Variants in CHCHD6 observed in about 807,000 individuals in gnomAD.
CHCHD6 encodes the protein coiled-coil-helix-coiled-coil-helix domain containing 6.
Under a neutral mutation model 32.3 loss-of-function variants are expected in CHCHD6, and 28 were observed. The observed-to-expected ratio is 0.87, with a 90% confidence interval of 0.64 to 1.19. The LOEUF (loss-of-function observed/expected upper bound fraction) is 1.19, where lower values mean the gene tolerates loss of function less well. Ranked by LOEUF, CHCHD6 falls within the 50% of genes most tolerant of loss-of-function variation. The probability of loss-of-function intolerance (pLI) is 0.00; values close to 1 mark genes in which losing one functional copy is unlikely to be tolerated. For missense variants in CHCHD6, 333 were observed against 307.0 expected (o/e 1.08, Z -0.63); for synonymous variants, 122 against 117.5 (o/e 1.04, Z -0.25).
At chr3:126,810,950 C>T (rs767696479) in intron 4 of CHCHD6, among the ~76,000 whole-genome samples, 5 of 151,962 alleles carry the variant, frequency 3.3e-5, no homozygotes, top group African/African-American at 4.8e-5. Context: ...GTCCTGTAGG[C>T]GGGACCACCA....
chr3:126,780,275 C>A, intron 4 of CHCHD6: 1 of 401,818 alleles, frequency 2.5e-6, no homozygotes, highest in Non-Finnish European at 4.9e-6. Context: ...GGGAGGGTTT[C>A]TCCCACCTTT....
intron 4 of CHCHD6, among the ~76,000 whole-genome samples, chr3:126,773,873 T>C (rs1195184634): frequency 6.6e-6 from 1 of 152,150 alleles, no homozygotes; most frequent in East Asian, 1.9e-4. Flanking sequence ...CCCAAAGTGC[T>C]GGGATTATAG....
At chr3:126,743,939 T>C (rs992257161) in intron 4 of CHCHD6, among the ~76,000 whole-genome samples, 1 of 152,054 alleles carries the variant, frequency 6.6e-6, no homozygotes, top group Admixed American at 6.6e-5. Context: ...CATCAGATGG[T>C]ATGCGCTGGC....
chr3:126,873,140 T>C (rs573292918), intron 5 of CHCHD6, among the ~76,000 whole-genome samples: 1 of 152,270 alleles, frequency 6.6e-6, no homozygotes, highest in African/African-American at 2.4e-5. Flanking sequence ...GTTTGCAAAG[T>C]GTTTTCAGAT....
intron 6 of CHCHD6, among the ~76,000 whole-genome samples, chr3:126,931,142 A>G (rs1191199622): frequency 2.0e-5 from 3 of 152,070 alleles, no homozygotes. Flanking sequence ...TTTGCTTCCC[A>G]CCGTCACTGC....
intron 3 of CHCHD6, among the ~76,000 whole-genome samples, chr3:126,731,098 TAAAAAAAAAA>T (rs34596059): frequency 3.2e-4 from 24 of 73,980 alleles, no homozygotes; most frequent in African/African-American, 1.0e-3. Context: ...ACCCTGTCTC[TAAAAAAAAAA>T]AAAAAAAAAA....
At chr3:126,901,496 G>A (rs1243434517) in intron 5 of CHCHD6, among the ~76,000 whole-genome samples, 2 of 152,194 alleles carry the variant, frequency 1.3e-5, no homozygotes, top group Non-Finnish European at 2.9e-5. Context: ...GATTCCCCAC[G>A]GGAAGTGGGA....
rs117921290 is a variant in CHCHD6, at chr3:126,930,966, G to C, written c.566+16216G>C. Among the ~76,000 whole-genome samples the C allele has an allele frequency of 3.9e-5, 6 of 152,170 alleles. No individual in the cohort carries two copies. The East Asian group carries it at 5.8e-4, about 15-fold the overall frequency. ...GCCCATCTCTTCCTATCTGCCAAAG[G>C]CCCCCAGCCTGGAGTGTCTACAGTG... On this transcript the variant is annotated intron_variant, in intron 6 of 7. Coordinates refer to ENST00000290913, the MANE Select transcript of CHCHD6 (RefSeq NM_032343.3).
At chr3:126,766,397 C>T in intron 4 of CHCHD6, 1 of 541,214 alleles carries the variant, frequency 1.8e-6, no homozygotes, top group Non-Finnish European at 3.4e-6. Flanking sequence ...TGACAGCTGC[C>T]ACGAGAGGTG....
chr3:126,902,788 A>G lies in CHCHD6; in HGVS notation c.496-11892A>G, dbSNP rs1350727993. Among the ~76,000 whole-genome samples, 6 of 151,502 alleles carry G rather than the reference A, an allele frequency of 4.0e-5. No homozygotes were observed. The South Asian group carries it at 8.3e-4, about 21-fold the overall frequency. On this transcript the variant is annotated intron_variant, in intron 5 of 7. Transcript: ENST00000290913. Reference sequence around the variant, plus strand: ...CTAGAGGCCTCCCTTCTGCACATCCATGCTCCTCGGACCTCACACACATGG... The same window carrying G: ...CTAGAGGCCTCCCTTCTGCACATCCGTGCTCCTCGGACCTCACACACATGG...
chr3:126,774,229 C>T (rs1937595290), intron 4 of CHCHD6, among the ~76,000 whole-genome samples: 1 of 152,094 alleles, frequency 6.6e-6, no homozygotes, highest in African/African-American at 2.4e-5. Context: ...CATGTAACAA[C>T]CATATAATAA....
At chr3:126,740,556 C>T (rs116092507) in intron 4 of CHCHD6, among the ~76,000 whole-genome samples, 1 of 152,182 alleles carries the variant, frequency 6.6e-6, no homozygotes, top group African/African-American at 2.4e-5. Context: ...TCTGAATGTC[C>T]AGGCCCACAT....
At chr3:126,891,400 G>C (rs563938445) in intron 5 of CHCHD6, among the ~76,000 whole-genome samples, 1 of 152,312 alleles carries the variant, frequency 6.6e-6, no homozygotes, top group African/African-American at 2.4e-5. Context: ...TTACAGGGCA[G>C]GGGGATGGCC....
chr3:126,855,939 C>T (rs989506038), intron 5 of CHCHD6, among the ~76,000 whole-genome samples: 1 of 152,190 alleles, frequency 6.6e-6, no homozygotes, highest in African/African-American at 2.4e-5. Flanking sequence ...AAGCAAACCA[C>T]TGCTCACAAA....
At chr3:126,851,574 C>T (rs1036819552) in intron 4 of CHCHD6, among the ~76,000 whole-genome samples, 1 of 152,218 alleles carries the variant, frequency 6.6e-6, no homozygotes, top group African/African-American at 2.4e-5. Context: ...AAAAGGCAGT[C>T]CTGAGCTCCC....
chr3:126,863,204 T>C (rs1434001800), intron 5 of CHCHD6, among the ~76,000 whole-genome samples: 2,633 of 12,990 alleles, frequency 0.2, no homozygotes, highest in Non-Finnish European at 0.22. Flanking sequence ...ATCACCACCT[T>C]CCCCTCTACC....
intron 5 of CHCHD6, among the ~76,000 whole-genome samples, chr3:126,880,906 G>A (rs1255492899): frequency 6.6e-6 from 1 of 152,238 alleles, no homozygotes; most frequent in Non-Finnish European, 1.5e-5. Flanking sequence ...GGCTGTTGAG[G>A]TGGAGGCTGG....
At chr3:126,809,352 C>G (rs1405684950) in intron 4 of CHCHD6, among the ~76,000 whole-genome samples, 1 of 152,186 alleles carries the variant, frequency 6.6e-6, no homozygotes, top group African/African-American at 2.4e-5. Flanking sequence ...CAGGATTGTA[C>G]TGGTAGAGTT....
intron 4 of CHCHD6, among the ~76,000 whole-genome samples, chr3:126,763,916 G>A (rs1478023075): frequency 6.6e-6 from 1 of 152,040 alleles, no homozygotes; most frequent in Non-Finnish European, 1.5e-5. Context: ...CATTTTGGAT[G>A]TACATAATGC....
Sources: gnomAD v4.1 joint callset for allele counts (sites outside exome capture counted in the v4.1 genomes callset) on GRCh38, gnomAD v4.1.1 for gene constraint, MANE v1.5 for transcripts, NCBI Gene and HGNC (gene_info 2026-07-23, HGNC 2026-07-21) for gene names.